Variants in DAPK1 observed in about 807,000 individuals in gnomAD.
The protein encoded by DAPK1 is death-associated protein kinase 1.
A neutral mutation model predicts 144.9 loss-of-function variants in DAPK1; 56 were observed. The ratio of observed to expected loss-of-function variants is 0.39; its 90% confidence interval spans 0.31 to 0.48. The LOEUF (loss-of-function observed/expected upper bound fraction) is 0.48, where lower values mean the gene tolerates loss of function less well. DAPK1 is among the 20% of genes least tolerant of loss of function. DAPK1 has a pLI of 0.95. For synonymous variants in DAPK1, 690 were observed against 749.0 expected, an observed-to-expected ratio of 0.92 and a Z score of 1.29; for missense variants, 1,454 against 1,875.4, an observed-to-expected ratio of 0.78 and a Z score of 4.15.
intron 18 of DAPK1, among the ~76,000 whole-genome samples, chr9:87,663,736 G>C (rs1172101914): frequency 6.6e-6 from 1 of 152,006 alleles, no homozygotes; most frequent in African/African-American, 2.4e-5. Flanking sequence ...CTGAGTGCCA[G>C]CCTCACACAG....
chr9:87,525,405 A>G (rs1825466732), intron 2 of DAPK1: 2 of 1,611,368 alleles, frequency 1.2e-6, no homozygotes, highest in Non-Finnish European at 1.7e-6. Flanking sequence ...ATCCGGAAAT[A>G]TGGCCTCAAT....
chr9:87,570,216 C>T (rs10117932), intron 2 of DAPK1, among the ~76,000 whole-genome samples: 42,939 of 151,960 alleles, frequency 0.28, 6,420 homozygotes, highest in East Asian at 0.49. Context: ...ACTCTTGAAC[C>T]TCATTTTCCC....
At position 87,698,702 on chromosome 9, in the gene DAPK1, C is replaced by A; in HGVS notation, c.2658C>A (p.Ala886=). The part of the protein sequence containing the change: ...LKNPLQVVLV[A]THADIMNVPR... Reference sequence around the variant, plus strand: ...ACCCACTCCAAGTTGTCCTGGTGGCCACCCACGCTGACATCATGAATGTTC... The same window carrying A: ...ACCCACTCCAAGTTGTCCTGGTGGCAACCCACGCTGACATCATGAATGTTC... Residue 886 remains alanine, a synonymous_variant, in exon 23 of 26, where the codon GCC becomes GCA. Transcript: ENST00000408954. 1 of 1,599,110 alleles carries A rather than the reference C, an allele frequency of 6.3e-7. No homozygotes were observed. Among genetic ancestry groups the A allele is most frequent in the Non-Finnish European group, 8.6e-7 (1 of 1,166,310 alleles).
At chr9:87,510,417 G>C (rs1824791336) in intron 2 of DAPK1, among the ~76,000 whole-genome samples, 1 of 152,188 alleles carries the variant, frequency 6.6e-6, no homozygotes, top group East Asian at 1.9e-4. Flanking sequence ...CCTGGAGAAT[G>C]AGAAGGAAAT....
At position 87,681,405 on chromosome 9, in the gene DAPK1, A is replaced by T; in HGVS notation, c.2003A>T (p.Asp668Val). 1.3e-6 allele frequency: 2 copies of T among 1,568,106 alleles called. No homozygotes were observed. Among genetic ancestry groups the T allele is most frequent in the East Asian group, 2.2e-5 (1 of 44,694 alleles). Reference protein sequence around the residue: ...VAGLLARLRKDTHRGLFIQQL... With the variant: ...VAGLLARLRKVTHRGLFIQQL... ...TGGCTCTTTCTCATCCATGCTCAGG[A>T]TACGCACCGAGGACTCTTCATCCAG... is the stretch of plus-strand genomic sequence containing the variant. Residue 668 changes from aspartate to valine, a missense_variant and splice_region_variant, in exon 20 of 26, where the codon GAT becomes GTT. Transcript: ENST00000408954.
chr9:87,553,468 A>G (rs1826571793), intron 2 of DAPK1: 1 of 149,360 alleles, frequency 6.7e-6, no homozygotes, highest in African/African-American at 2.5e-5. Context: ...TAGGGTGCTC[A>G]ATATTTATTT....
chr9:87,652,661 G>T (rs71489454), intron 17 of DAPK1, among the ~76,000 whole-genome samples: 4 of 64,120 alleles, frequency 6.2e-5, no homozygotes, highest in African/African-American at 1.3e-4. Context: ...CTGTGTCCAT[G>T]CCCCCGATCC....
intron 3 of DAPK1, among the ~76,000 whole-genome samples, chr9:87,612,221 A>G: frequency 6.6e-6 from 1 of 152,218 alleles, no homozygotes; most frequent in Non-Finnish European, 1.5e-5. Context: ...AGTTTTGGAG[A>G]GGACAAACAT....
intron 24 of DAPK1, 139 bp from the exon 25 acceptor site, chr9:87,702,890 T>TCAA (rs1016162491): frequency 6.2e-5 from 37 of 595,612 alleles, no homozygotes; most frequent in Non-Finnish European, 1.1e-4. Context: ...AAAAAAAACG[T>TCAA]CAACAACAAC....
upstream of DAPK1, among the ~76,000 whole-genome samples, chr9:87,497,522 T>C (rs369051255): frequency 2.0e-5 from 3 of 152,240 alleles, no homozygotes. Context: ...GGGATCCCAG[T>C]ACACATCTCG....
chr9:87,503,052 G>A (rs545373270), intron 2 of DAPK1, among the ~76,000 whole-genome samples: 158 of 152,268 alleles, frequency 1.0e-3, no homozygotes, highest in Non-Finnish European at 1.4e-3. Flanking sequence ...GTGCAGTGTG[G>A]AAAAACCTGA....
In DAPK1 at chr9:87,498,964, C is replaced by A; in HGVS notation, c.-108-6C>A. 1.4e-6 allele frequency: 1 copy of A among 739,556 alleles called. No individual in the cohort carries two copies. Among genetic ancestry groups the A allele is most frequent in the South Asian group, 1.8e-5 (1 of 55,054 alleles). 45.8% of individuals were successfully genotyped at this position (739,556 alleles called of 1,614,324 possible). A position where few individuals can be genotyped will look rare whatever the true frequency, so the allele number is the denominator to read the frequency against. On this transcript the variant is annotated splice_polypyrimidine_tract_variant and splice_region_variant and intron_variant, in intron 1 of 25. Transcript: ENST00000408954. Reference sequence around the variant, plus strand: ...ATTATTATTGCCTTTTTTTTTTCTTCAAAAGGACTGGAGACTGATGCATGA... The same window carrying A: ...ATTATTATTGCCTTTTTTTTTTCTTAAAAAGGACTGGAGACTGATGCATGA...
intron 2 of DAPK1, among the ~76,000 whole-genome samples, chr9:87,511,950 G>T (rs1423467695): frequency 6.6e-6 from 1 of 152,150 alleles, no homozygotes; most frequent in Non-Finnish European, 1.5e-5. Flanking sequence ...GACCTTAGGT[G>T]ATCCACCCAC....
chr9:87,666,565 C>A (rs922248982), intron 18 of DAPK1, among the ~76,000 whole-genome samples: 1 of 151,554 alleles, frequency 6.6e-6, no homozygotes, highest in African/African-American at 2.4e-5. Context: ...CCTCTGCCTC[C>A]CAGGTTCAAG....
rs1824232796 is a variant in DAPK1 at position 87,497,947 on chromosome 9, G to C, written c.-269G>C. The C allele has an allele frequency of 1.5e-5, 6 of 396,560 alleles. No homozygotes were observed. Among genetic ancestry groups the C allele is most frequent in the East Asian group, 7.1e-5 (2 of 27,982 alleles). The allele number at this position is 396,560 out of a possible 1,614,324, so 24.6% of individuals were successfully genotyped here. On this transcript the variant is annotated 5_prime_UTR_variant, in exon 1 of 26. Coordinates refer to ENST00000408954, the MANE Select transcript of DAPK1 (RefSeq NM_004938.4). Reference sequence around the variant, plus strand: ...CTCCGCGGAGGGGACTCGGCAACTCGCAGCGGCAGGGTCTGGGGCCGGCGC... The same window carrying C: ...CTCCGCGGAGGGGACTCGGCAACTCCCAGCGGCAGGGTCTGGGGCCGGCGC...
intron 2 of DAPK1, among the ~76,000 whole-genome samples, chr9:87,521,647 T>A (rs1563972673): frequency 6.6e-6 from 1 of 152,232 alleles, no homozygotes; most frequent in Non-Finnish European, 1.5e-5. Context: ...ACATCTCATT[T>A]AGTGTACTTT....
chr9:87,639,209 G>A (rs1830004500), intron 4 of DAPK1, 145 bp from the exon 5 acceptor site: 1 of 711,382 alleles, frequency 1.4e-6, no homozygotes, highest in South Asian at 2.1e-5. Flanking sequence ...AGCAAGACAT[G>A]TATTTTCCTG....
At chr9:87,515,592 A>C (rs1825019561) in intron 2 of DAPK1, among the ~76,000 whole-genome samples, 1 of 152,186 alleles carries the variant, frequency 6.6e-6, no homozygotes, top group African/African-American at 2.4e-5. Context: ...TCAGCTGTCC[A>C]ATAGCAGAGC....
At chr9:87,699,116 G>C (rs36219125) in intron 23 of DAPK1, among the ~76,000 whole-genome samples, 2 of 152,122 alleles carry the variant, frequency 1.3e-5, no homozygotes, top group Admixed American at 1.3e-4. Context: ...TTGCCCAAAA[G>C]GTTTTTGGAT....
Sources: allele counts gnomAD v4.1 joint callset (sites outside exome capture counted in the v4.1 genomes callset), GRCh38; gene constraint gnomAD v4.1.1; transcripts MANE v1.5; gene names NCBI Gene and HGNC (gene_info 2026-07-23, HGNC 2026-07-21).